The following PRSS12 variants were observed in gnomAD, a reference collection of about 807,000 sequenced individuals.
PRSS12 encodes serine protease 12.
PRSS12 carries 85 observed loss-of-function variants against 104.4 expected under a neutral mutation model. The ratio of observed to expected loss-of-function variants is 0.81; its 90% CI spans 0.68 to 0.98. The LOEUF (loss-of-function observed/expected upper bound fraction) is 0.98, where lower values mean the gene tolerates loss of function less well. Among genes scored for constraint, PRSS12 ranks in the 50% least tolerant of loss-of-function variants. The probability of loss-of-function intolerance (pLI) is 0.00; values close to 1 mark genes in which losing one functional copy is unlikely to be tolerated. For synonymous variants in PRSS12, 454 were observed against 425.2 expected (o/e 1.07, Z -0.83); for missense variants, 1,141 against 1,139.2 (o/e 1.00, Z -0.02).
At chr4:118,335,746 A>C in intron 2 of PRSS12, 95 bp from the exon 3 acceptor site, 2 of 1,127,792 alleles carry the variant, frequency 1.8e-6, no homozygotes, top group Non-Finnish European at 2.7e-6. Context: ...GAAATCAACA[A>C]AGATGAATAT....
chr4:118,341,700 A>C (rs1366609245), intron 1 of PRSS12, among the ~76,000 whole-genome samples: 2 of 152,044 alleles, frequency 1.3e-5, no homozygotes, highest in African/African-American at 4.8e-5. Context: ...AGCTAACCAC[A>C]ACAACAACAA....
Position 118,308,467 on chromosome 4 carries a change from C to T in PRSS12, c.1600G>A (p.Ala534Thr), listed in dbSNP as rs1308499139. 1 of 1,613,992 alleles carries T rather than the reference C, an allele frequency of 6.2e-7. No individual in the cohort carries two copies. Among genetic ancestry groups the T allele is most frequent in the African/African-American group, 1.3e-5 (1 of 74,930 alleles). Residue 534 changes from alanine (A) to threonine (T), a missense_variant, in exon 8 of 13, where the codon GCA becomes ACA. Ala to Thr is a moderately conservative substitution (Grantham distance 58). Coordinates refer to ENST00000296498, the MANE Select transcript of PRSS12 (RefSeq NM_003619.4). Reference protein sequence around the residue: ...ICDDGWTDKDAAVICRQLGYK... With the variant: ...ICDDGWTDKDTAVICRQLGYK... Reference sequence around the variant, plus strand: ...CCAAGCTGACGACAGATCACAGCTGCATCCTTATCAGTCCATCCATCATCA... The same window carrying T: ...CCAAGCTGACGACAGATCACAGCTGTATCCTTATCAGTCCATCCATCATCA...
intron 7 of PRSS12, among the ~76,000 whole-genome samples, chr4:118,311,070 TAATTA>T (rs1246943514): frequency 1.3e-5 from 2 of 151,980 alleles, no homozygotes; most frequent in South Asian, 2.1e-4. Flanking sequence ...ATTAATTAAT[TAATTA>T]AATTAAGCCT....
intron 1 of PRSS12, among the ~76,000 whole-genome samples, chr4:118,342,434 G>A (rs145774041): frequency 1.9e-3 from 285 of 152,268 alleles, no homozygotes; most frequent in African/African-American, 6.3e-3. Context: ...GGACCACACC[G>A]GAGTGTGTGT....
At chr4:118,348,961 T>C (rs561575825) in intron 1 of PRSS12, among the ~76,000 whole-genome samples, 1 of 152,136 alleles carries the variant, frequency 6.6e-6, no homozygotes, top group Non-Finnish European at 1.5e-5. Context: ...CCTAGAATGA[T>C]TCTTTAGTAT....
intron 7 of PRSS12, among the ~76,000 whole-genome samples, chr4:118,311,129 G>A (rs1009880097): frequency 1.3e-5 from 2 of 151,882 alleles, no homozygotes; most frequent in Non-Finnish European, 2.9e-5. Context: ...AACCTCACTG[G>A]GAAAGAAATC....
At chr4:118,299,515 C>T (rs1743338262) in intron 8 of PRSS12, among the ~76,000 whole-genome samples, 1 of 151,522 alleles carries the variant, frequency 6.6e-6, no homozygotes, top group Non-Finnish European at 1.5e-5. Context: ...ACCGTTTCTA[C>T]TAAAAATACA....
chr4:118,343,623 G>A (rs1376698583), intron 1 of PRSS12, among the ~76,000 whole-genome samples: 1 of 152,130 alleles, frequency 6.6e-6, no homozygotes, highest in African/African-American at 2.4e-5. Flanking sequence ...TGGGCGTGGT[G>A]GCCCAGGCCT....
intron 3 of PRSS12, among the ~76,000 whole-genome samples, chr4:118,333,895 TA>T (rs1723989315): frequency 1.3e-5 from 2 of 152,316 alleles, no homozygotes; most frequent in South Asian, 4.1e-4. Flanking sequence ...GAAAATTCAG[TA>T]AATCAATGGA....
chr4:118,328,816 C>T (rs531043184), intron 4 of PRSS12, among the ~76,000 whole-genome samples: 18 of 152,092 alleles, frequency 1.2e-4, no homozygotes, highest in African/African-American at 3.9e-4. Context: ...TTTCTTGAAA[C>T]GGAGTCTTGC....
chr4:118,320,147 T>C (rs930014112), intron 4 of PRSS12, among the ~76,000 whole-genome samples: 1 of 152,230 alleles, frequency 6.6e-6, no homozygotes, highest in Non-Finnish European at 1.5e-5. Context: ...CAGTCCCTTT[T>C]AGGCTTTTAA....
At chr4:118,330,651 T>G (rs115641498) in intron 4 of PRSS12, among the ~76,000 whole-genome samples, 1 of 152,112 alleles carries the variant, frequency 6.6e-6, no homozygotes, top group African/African-American at 2.4e-5. Flanking sequence ...CTCTGAAAAT[T>G]TGAATAAGAT....
intron 4 of PRSS12, among the ~76,000 whole-genome samples, chr4:118,328,757 G>A (rs1242392315): frequency 1.3e-5 from 2 of 151,934 alleles, no homozygotes; most frequent in Admixed American, 1.3e-4. Context: ...CCTAGTAGTC[G>A]GGACTACAGT....
intron 3 of PRSS12, among the ~76,000 whole-genome samples, chr4:118,334,311 T>A (rs1724008489): frequency 6.6e-6 from 1 of 151,968 alleles, no homozygotes; most frequent in Non-Finnish European, 1.5e-5. Flanking sequence ...TAGATAGATA[T>A]CCTGAAAAAA....
At chr4:118,330,251 T>C (rs554819780) in intron 4 of PRSS12, among the ~76,000 whole-genome samples, 1 of 152,300 alleles carries the variant, frequency 6.6e-6, no homozygotes, top group South Asian at 2.1e-4. Flanking sequence ...TGGGGAAAAC[T>C]AGAGCTTTTC....
intron 7 of PRSS12, among the ~76,000 whole-genome samples, chr4:118,311,463 C>T (rs1578916564): frequency 6.6e-6 from 1 of 152,096 alleles, no homozygotes; most frequent in Non-Finnish European, 1.5e-5. Context: ...TCCATTGTTT[C>T]CTAAATGCTG....
chr4:118,318,803 G>A (rs1050184327), intron 4 of PRSS12, among the ~76,000 whole-genome samples: 9 of 152,152 alleles, frequency 5.9e-5, no homozygotes, highest in South Asian at 4.2e-4. Flanking sequence ...ATTAGTAATG[G>A]AACTTCAGAT....
chr4:118,316,837 AAT>A (rs70941165), intron 5 of PRSS12, among the ~76,000 whole-genome samples: 19 of 99,186 alleles, frequency 1.9e-4, no homozygotes, highest in Middle Eastern at 8.9e-3. Context: ...AAAAAAAAAA[AAT>A]ATATATATAT....
In PRSS12 at chr4:118,292,773, TG is replaced by T. The variant is rs754982778; in HGVS notation, c.2039+2165del. ...ATGTAAAATACAGGTTTGATCAGGC[TG>T]GGAAGCAAGGCGGGCAGATCACTTG... On this transcript the variant is annotated intron_variant, in intron 11 of 12. Coordinates refer to ENST00000296498, the MANE Select transcript of PRSS12 (RefSeq NM_003619.4). Among the ~76,000 whole-genome samples, 160 of 152,220 alleles carry T rather than the reference TG, an allele frequency of 1.1e-3. 1 individual carries two copies. The highest frequency in any genetic ancestry group is 6.8e-3 in the Middle Eastern group (2 of 294).
Sources: gnomAD v4.1 joint callset for allele counts (sites outside exome capture counted in the v4.1 genomes callset) on GRCh38, gnomAD v4.1.1 for gene constraint, MANE v1.5 for transcripts, NCBI Gene and HGNC (gene_info 2026-07-23, HGNC 2026-07-21) for gene names.